The following CEP128 variants were observed in gnomAD, a reference collection of about 807,000 sequenced individuals.
CEP128 encodes centrosomal protein 128kDa.
Under a neutral mutation model 156.7 loss-of-function variants are expected in CEP128, and 132 were observed. The observed-to-expected ratio is 0.84, with a 90% CI of 0.73 to 0.97. The LOEUF is 0.97. CEP128 is among the 50% of genes least tolerant of loss of function. The pLI, the probability that CEP128 is intolerant of heterozygous loss-of-function variation, is 0.00. For missense variants in CEP128, 1,252 were observed against 1,281.9 expected (o/e 0.98, Z 0.36); for synonymous variants, 469 against 448.9 (o/e 1.04, Z -0.57).
intron 20 of CEP128, among the ~76,000 whole-genome samples, chr14:80,573,070 G>A (rs1005733404): frequency 6.6e-6 from 1 of 150,588 alleles, no homozygotes; most frequent in African/African-American, 2.5e-5. Flanking sequence ...TTACAGGTGT[G>A]GGCTACCACG....
intron 9 of CEP128, among the ~76,000 whole-genome samples, chr14:80,857,347 T>A (rs1367532964): frequency 3.3e-5 from 5 of 151,336 alleles, no homozygotes; most frequent in Non-Finnish European, 7.4e-5. Flanking sequence ...ATCAAGCACC[T>A]CATCAAAAGG....
At chr14:80,818,354 A>T (rs1329146709) in intron 13 of CEP128, among the ~76,000 whole-genome samples, 1 of 152,258 alleles carries the variant, frequency 6.6e-6, no homozygotes, top group East Asian at 1.9e-4. Context: ...CTATCCTTTA[A>T]AAATAAAGCT....
intron 19 of CEP128, among the ~76,000 whole-genome samples, chr14:80,638,739 A>C (rs1321569729): frequency 2.0e-5 from 3 of 152,222 alleles, no homozygotes; most frequent in Admixed American, 2.0e-4. Flanking sequence ...ACTGAATATA[A>C]GGAAATGCCT....
chr14:80,663,315 G>A (rs1186595836), intron 19 of CEP128, among the ~76,000 whole-genome samples: 1 of 152,140 alleles, frequency 6.6e-6, no homozygotes, highest in African/African-American at 2.4e-5. Flanking sequence ...TCAATAGGAT[G>A]GAGGCTAATG....
intron 13 of CEP128, among the ~76,000 whole-genome samples, chr14:80,815,997 A>C (rs943328690): frequency 7.2e-4 from 110 of 152,274 alleles, no homozygotes; most frequent in African/African-American, 2.4e-3. Flanking sequence ...TAATGGGTAC[A>C]ATGTGTATTA....
intron 14 of CEP128, among the ~76,000 whole-genome samples, chr14:80,484,908 C>A (rs1276368930): frequency 6.6e-6 from 1 of 152,090 alleles, no homozygotes; most frequent in East Asian, 1.9e-4. Context: ...ACTGCACATT[C>A]CTCTAAGAAA....
intron 19 of CEP128, among the ~76,000 whole-genome samples, chr14:80,641,212 C>G (rs1402272277): frequency 6.6e-6 from 1 of 152,198 alleles, no homozygotes; most frequent in East Asian, 1.9e-4. Flanking sequence ...TTTACCCCTT[C>G]TGTATAACTA....
At chr14:80,725,532 C>T (rs1897990060) in intron 19 of CEP128, among the ~76,000 whole-genome samples, 1 of 152,096 alleles carries the variant, frequency 6.6e-6, no homozygotes, top group South Asian at 2.1e-4. Flanking sequence ...CCTCTATTAA[C>T]TATTCCAGAA....
downstream of CEP128, among the ~76,000 whole-genome samples, chr14:80,492,481 C>T (rs541186899): frequency 5.9e-5 from 9 of 152,202 alleles, no homozygotes; most frequent in South Asian, 1.9e-3. Flanking sequence ...TAATAAAGGA[C>T]AGAAAGTTGC....
chr14:80,734,526 A>T (rs1010448058), intron 19 of CEP128, among the ~76,000 whole-genome samples: 1 of 152,126 alleles, frequency 6.6e-6, no homozygotes. Flanking sequence ...GGCACATAGC[A>T]ATAAATGTTA....
chr14:80,680,525 C>A (rs996257226), intron 19 of CEP128, among the ~76,000 whole-genome samples: 2 of 152,146 alleles, frequency 1.3e-5, no homozygotes, highest in Admixed American at 1.3e-4. Flanking sequence ...AAGACCCTCT[C>A]TGCTCCACAC....
At chr14:80,939,712 C>T (rs1444743344) in intron 1 of CEP128, among the ~76,000 whole-genome samples, 172 bp from the exon 2 acceptor site, 3 of 152,236 alleles carry the variant, frequency 2.0e-5, no homozygotes, top group African/African-American at 7.2e-5. Context: ...TTCTTCACAT[C>T]CAAGTGCCCA....
chr14:80,610,152 T>C (rs995493157), intron 19 of CEP128, among the ~76,000 whole-genome samples: 1 of 152,238 alleles, frequency 6.6e-6, no homozygotes, highest in Non-Finnish European at 1.5e-5. Context: ...GTATGAATCA[T>C]ACTTTATCTC....
chr14:80,792,443 AT>A (rs771874765), intron 14 of CEP128, among the ~76,000 whole-genome samples: 5 of 152,086 alleles, frequency 3.3e-5, no homozygotes, highest in East Asian at 3.8e-4. Flanking sequence ...AGATTTAGTC[AT>A]TTTTTTTCCA....
At chr14:80,685,565 G>A (rs1896491890) in intron 19 of CEP128, among the ~76,000 whole-genome samples, 2 of 151,786 alleles carry the variant, frequency 1.3e-5, no homozygotes, top group African/African-American at 4.8e-5. Flanking sequence ...CAAGCTACCA[G>A]TGTCACTTGT....
chr14:80,947,743 T>C (rs1433500474), intron 2 of CEP128, among the ~76,000 whole-genome samples: 2 of 151,244 alleles, frequency 1.3e-5, no homozygotes, highest in Non-Finnish European at 2.9e-5. Context: ...AAGAAGGGGG[T>C]CCTGGAAAGA....
intron 19 of CEP128, among the ~76,000 whole-genome samples, chr14:80,594,700 A>C (rs1892237229): frequency 6.6e-6 from 1 of 152,246 alleles, no homozygotes. Flanking sequence ...ACATTTATGC[A>C]GCCAACAAAT....
chr14:80,603,728 G>A (rs1406721947), intron 19 of CEP128, among the ~76,000 whole-genome samples: 1 of 151,982 alleles, frequency 6.6e-6, no homozygotes, highest in East Asian at 1.9e-4. Flanking sequence ...TATCAATTAT[G>A]AATATAAATT....
intron 19 of CEP128, among the ~76,000 whole-genome samples, chr14:80,702,343 A>G (rs777048722): frequency 4.6e-5 from 7 of 152,066 alleles, no homozygotes; most frequent in Non-Finnish European, 1.0e-4. Flanking sequence ...AAGAAATTAC[A>G]TTTTCCCTAT....
Sources: gnomAD v4.1 joint callset for allele counts (sites outside exome capture counted in the v4.1 genomes callset) on GRCh38, gnomAD v4.1.1 for gene constraint, MANE v1.5 for transcripts, NCBI Gene and HGNC (gene_info 2026-07-23, HGNC 2026-07-21) for gene names.